The following PSEN2 variants were observed in gnomAD, a reference collection of about 807,000 sequenced individuals.
The protein encoded by PSEN2 is presenilin 2.
Under a neutral mutation model 49.1 loss-of-function variants are expected in PSEN2, and 32 were observed. That is an observed-to-expected ratio of 0.65 (90% CI 0.49 to 0.88). The LOEUF is 0.88. Ranked by LOEUF, PSEN2 falls within the 40% of genes least tolerant of loss-of-function variation. The pLI is 0.00. For synonymous variants in PSEN2, 255 were observed against 244.0 expected, an observed-to-expected ratio of 1.05 and a Z score of -0.42; for missense variants, 522 against 586.9, an observed-to-expected ratio of 0.89 and a Z score of 1.14.
At chr1:226,883,656 G>C in intron 4 of PSEN2, 49 bp from the exon 5 acceptor site, 2 of 1,564,444 alleles carry the variant, frequency 1.3e-6, no homozygotes, top group African/African-American at 2.7e-5. Context: ...TACATGGATA[G>C]GCTGCCGTGG....
chr1:226,883,405 A>G (rs1661122115), intron 4 of PSEN2, among the ~76,000 whole-genome samples: 1 of 152,206 alleles, frequency 6.6e-6, no homozygotes, highest in African/African-American at 2.4e-5. Context: ...GAGTCCCTGT[A>G]TTAGGAAGGG....
At chr1:226,901,713 T>C (rs1274959156) in intron 12 of PSEN2, among the ~76,000 whole-genome samples, 1 of 152,220 alleles carries the variant, frequency 6.6e-6, no homozygotes, top group East Asian at 1.9e-4. Context: ...TTACATTTTA[T>C]TAAGTTTTAA....
chr1:226,878,062 C>CA (rs1660746033), intron 3 of PSEN2, among the ~76,000 whole-genome samples: 1 of 151,736 alleles, frequency 6.6e-6, no homozygotes, highest in Non-Finnish European at 1.5e-5. Flanking sequence ...CAGGGATTGT[C>CA]TTTTTTTTCT....
At chr1:226,879,325 C>T (rs375011189) in intron 3 of PSEN2, among the ~76,000 whole-genome samples, 20 of 152,288 alleles carry the variant, frequency 1.3e-4, no homozygotes, top group African/African-American at 4.8e-4. Flanking sequence ...CAGAACTTCC[C>T]TGTGGCCCTG....
At chr1:226,898,390 A>G (rs1662219723), downstream of PSEN2, 1 of 152,178 alleles carries the variant, frequency 6.6e-6, no homozygotes. Flanking sequence ...CATTGTGTGG[A>G]TTTGAGGAAG....
downstream of PSEN2, among the ~76,000 whole-genome samples, chr1:226,901,323 C>A (rs1461772772): frequency 6.6e-6 from 1 of 151,366 alleles, no homozygotes; most frequent in African/African-American, 2.4e-5. Flanking sequence ...GTAATCCCAG[C>A]TACTCAGGAG....
Position 226,894,120 on chromosome 1 carries a change from C to T in PSEN2, c.1186C>T (p.Leu396Phe), listed in dbSNP as rs780464244. The T allele has an allele frequency of 6.2e-7, 1 of 1,613,558 alleles. No individual in the cohort carries two copies. Among genetic ancestry groups the T allele is most frequent in the Non-Finnish European group, 8.5e-7 (1 of 1,179,540 alleles). The change falls in exon 12 of 13, where the codon CTC becomes TTC. Residue 396 changes from leucine to phenylalanine, a missense_variant. By Grantham distance (22) the Leu-to-Phe change is conservative. Transcript: ENST00000366783. ...CACGCTGGCCTGCTTCGTGGCCATC[C>T]TCATTGTGAGTGGCTGGGGATGCGT... ...NTTLACFVAILIGLCLTLLLL... is the reference protein window; with the variant it reads ...NTTLACFVAIFIGLCLTLLLL...
rs1242380805 is a variant in PSEN2, at chr1:226,888,958, C to T, written c.696C>T (p.Leu232=). Residue 232 remains leucine (L), a synonymous_variant, in exon 8 of 13, where the codon CTC becomes CTT. Transcript: ENST00000366783. ...CTCTGGTGCTGCAGCAGGCCTACCT[C>T]ATCATGATCAGTGCGCTCATGGCCC... The part of the protein sequence containing the change: ...KGPLVLQQAY[L]IMISALMALV... The T allele has an allele frequency of 1.9e-6, 3 of 1,614,206 alleles. No individual in the cohort carries two copies. Among genetic ancestry groups the T allele is most frequent in the African/African-American group, 1.3e-5 (1 of 75,048 alleles).
At position 226,890,128 on chromosome 1, in the gene PSEN2, A is replaced by G. The variant is rs1457292868; in HGVS notation, c.881A>G (p.Tyr294Cys). ...RNEPIFPALI[Y>C]SSAMVWTVGM... is the part of the protein sequence containing the mutation. ...GAGCCCATATTCCCTGCCCTGATAT[A>G]CTCATGTGAGTGAGCCCCCCGTGCC... is the stretch of plus-strand genomic sequence containing the variant. The change falls in exon 9 of 13, where the codon TAC (tyrosine) becomes TGC (cysteine). Residue 294 changes from tyrosine (Y) to cysteine (C), a missense_variant. Tyr to Cys is a radical substitution (Grantham distance 194). Transcript: ENST00000366783. 1.2e-6 allele frequency: 2 copies of G among 1,612,214 alleles called. No individual in the cohort carries two copies. The highest frequency in any genetic ancestry group is 4.5e-5 in the East Asian group (2 of 44,852).
At chr1:226,872,793 G>C (rs539288524) in intron 2 of PSEN2, among the ~76,000 whole-genome samples, 1 of 152,186 alleles carries the variant, frequency 6.6e-6, no homozygotes. Context: ...GCGGAAAGGC[G>C]GGGGTGAGGC....
intron 4 of PSEN2, among the ~76,000 whole-genome samples, chr1:226,882,672 G>A (rs1474586035): frequency 1.3e-5 from 2 of 152,102 alleles, no homozygotes; most frequent in Non-Finnish European, 2.9e-5. Flanking sequence ...TGTGTGGACT[G>A]TTTTCTTGCA....
chr1:226,893,401 G>A (rs1661892691), intron 11 of PSEN2, among the ~76,000 whole-genome samples: 1 of 152,168 alleles, frequency 6.6e-6, no homozygotes, highest in African/African-American at 2.4e-5. Context: ...TCCATGGTTT[G>A]TGTTTATTGC....
At position 226,891,611 on chromosome 1, in the gene PSEN2, A is replaced by G. The variant is rs1445207419; in HGVS notation, c.971-132A>G. On this transcript the variant is annotated intron_variant, in intron 10 of 12. Coordinates refer to ENST00000366783, the MANE Select transcript of PSEN2 (RefSeq NM_000447.3). ...GTGGAGTGGGGGAAGCCCTGGTGTC[A>G]GGTGCTGGTGCTCAGGGGGACCCCT... 3.5e-6 allele frequency: 3 copies of G among 866,124 alleles called. No individual in the cohort carries two copies. The African/African-American group carries it at 5.0e-5, about 14-fold the overall frequency. The allele number at this position is 866,124 out of a possible 1,614,324, so 53.7% of individuals were successfully genotyped here.
At chr1:226,887,440 C>T (rs759244305) in intron 6 of PSEN2, among the ~76,000 whole-genome samples, 1 of 152,098 alleles carries the variant, frequency 6.6e-6, no homozygotes, top group Non-Finnish European at 1.5e-5. Flanking sequence ...GTCACTGTCC[C>T]GCCGATGGCC....
intron 2 of PSEN2, among the ~76,000 whole-genome samples, chr1:226,874,812 C>G (rs1378079466): frequency 6.6e-6 from 1 of 152,196 alleles, no homozygotes; most frequent in Non-Finnish European, 1.5e-5. Flanking sequence ...GCCTCTTGGC[C>G]AGGGAGTATG....
At position 226,895,724 on chromosome 1, in the gene PSEN2, G is replaced by A; in HGVS notation, c.*145G>A. On this transcript the variant is annotated 3_prime_UTR_variant, in exon 13 of 13. Coordinates refer to ENST00000366783, the MANE Select transcript of PSEN2 (RefSeq NM_000447.3). Reference sequence around the variant, plus strand: ...GTGTTTACTTGGTGAGGAGGAGGCAGAACCAGCTCTTTGGTGCCAGCTGTT... The same window carrying A: ...GTGTTTACTTGGTGAGGAGGAGGCAAAACCAGCTCTTTGGTGCCAGCTGTT... 2.9e-6 allele frequency: 3 copies of A among 1,028,152 alleles called. No individual in the cohort carries two copies. Among genetic ancestry groups the A allele is most frequent in the Middle Eastern group, 3.1e-4 (1 of 3,194 alleles). The allele number at this position is 1,028,152 out of a possible 1,614,324, so 63.7% of individuals were successfully genotyped here.
intron 11 of PSEN2, among the ~76,000 whole-genome samples, chr1:226,892,062 C>T (rs1316924508): frequency 6.6e-6 from 1 of 152,200 alleles, no homozygotes; most frequent in African/African-American, 2.4e-5. Context: ...GGGCCACGTG[C>T]CCGTGCTGTG....
chr1:226,889,993 C>A, intron 8 of PSEN2, 42 bp from the exon 9 acceptor site: 1 of 1,522,970 alleles, frequency 6.6e-7, no homozygotes, highest in Non-Finnish European at 9.1e-7. Context: ...CTTCAGGGGG[C>A]TGCCCGGGGA....
intron 9 of PSEN2, 33 bp downstream of exon 9, chr1:226,890,166 G>A (rs200555636): frequency 1.9e-6 from 3 of 1,554,106 alleles, no homozygotes; most frequent in Admixed American, 1.7e-5. Flanking sequence ...TGCCTGACTC[G>A]GGGTCAGCAG....
Sources: gnomAD v4.1 joint callset for allele counts (sites outside exome capture counted in the v4.1 genomes callset) on GRCh38, gnomAD v4.1.1 for gene constraint, MANE v1.5 for transcripts, NCBI Gene and HGNC (gene_info 2026-07-23, HGNC 2026-07-21) for gene names.